Variants in ST14 observed in about 807,000 individuals in gnomAD.
ST14 encodes ST14 transmembrane serine protease matriptase, also known as suppressor of tumorigenicity 14 protein.
Under a neutral mutation model 96.5 loss-of-function variants are expected in ST14, and 40 were observed. The ratio of observed to expected loss-of-function variants is 0.41; its 90% CI spans 0.32 to 0.54. The LOEUF is 0.54. Among genes scored for constraint, ST14 ranks in the 20% least tolerant of loss-of-function variants. The pLI is 0.17. For synonymous variants in ST14, 506 were observed against 492.1 expected (o/e 1.03, Z -0.37); for missense variants, 1,066 against 1,188.9 (o/e 0.90, Z 1.52).
At chr11:130,204,919 TC>T (rs1238812664) in intron 16 of ST14, among the ~76,000 whole-genome samples, 1 of 152,098 alleles carries the variant, frequency 6.6e-6, no homozygotes, top group African/African-American at 2.4e-5. Flanking sequence ...GGTTTAGTGC[TC>T]CGGGGTCGGG....
Position 130,183,638 on chromosome 11 carries a change from T to C in ST14, c.82-4476T>C, listed in dbSNP as rs555285312. On this transcript the variant is annotated intron_variant, in intron 1 of 18. Transcript: ENST00000278742. ...TCATCTAATCCATGAACAGCGTATA[T>C]TGCTCAACTAATTTAGGTCTTTTAG... Among the ~76,000 whole-genome samples the C allele has an allele frequency of 8.5e-5, 13 of 152,312 alleles. No individual in the cohort carries two copies. In the South Asian group the frequency reaches 2.5e-3, roughly 29 times the overall value.
In ST14 at chr11:130,197,857, C is replaced by A; in HGVS notation, c.1371C>A (p.Phe457Leu). The A allele has an allele frequency of 1.3e-6, 2 of 1,584,158 alleles. No individual in the cohort carries two copies. Among genetic ancestry groups the A allele is most frequent in the Non-Finnish European group, 1.7e-6 (2 of 1,168,988 alleles). Residue 457 changes from phenylalanine (F) to leucine (L), a missense_variant, in exon 12 of 19, where the codon TTC becomes TTA. Physicochemically the swap from Phe to Leu is conservative, Grantham distance 22 (BLOSUM62 0). Transcript: ENST00000278742. ...YDSSDPCPGQ[F>L]TCRTGRCIRK... ...TGCCCGCAGCATGCCCGGGGCAGTTCACGTGCCGCACGGGGCGGTGTATCC... is the reference window on the plus strand; with the variant it reads ...TGCCCGCAGCATGCCCGGGGCAGTTAACGTGCCGCACGGGGCGGTGTATCC...
chr11:130,190,794 C>T, intron 7 of ST14, 100 bp downstream of exon 7: 3 of 1,399,364 alleles, frequency 2.1e-6, no homozygotes, highest in Non-Finnish European at 2.8e-6. Flanking sequence ...TGACTCTTGG[C>T]CGCAGGCCAC....
Position 130,196,618 on chromosome 11 carries a change from G to A in ST14, c.1272G>A (p.Lys424=), listed in dbSNP as rs770834044. ...SQFVVTSNSN[K]ITVRFHSDQS... is the part of the protein sequence containing the mutation. ...TCGTCGTCACCAGCAACAGCAACAAGATCACAGTTCGCTTCCACTCAGATC... is the reference window on the plus strand; with the variant it reads ...TCGTCGTCACCAGCAACAGCAACAAAATCACAGTTCGCTTCCACTCAGATC... The change falls in exon 11 of 19, where the codon AAG becomes AAA. Residue 424 remains lysine, a synonymous_variant. Transcript: ENST00000278742. 6.2e-7 allele frequency: 1 copy of A among 1,611,812 alleles called. No homozygotes were observed. The highest frequency in any genetic ancestry group is 1.1e-5 in the South Asian group (1 of 91,020).
rs764906355 is a variant in ST14, at chr11:130,190,612, C to A, written c.793C>A (p.Leu265Ile). The change falls in exon 7 of 19, where the codon CTT becomes ATT. Residue 265 changes from leucine (L) to isoleucine (I), a missense_variant. Coordinates refer to ENST00000278742, the MANE Select transcript of ST14 (RefSeq NM_021978.4). ...GAGCCTCACCTTCCGCAGCTTTGAC[C>A]TTGCGTCCTGCGACGAGCGCGGCAG... The part of the protein sequence containing the change: ...VLSLTFRSFD[L>I]ASCDERGSDL... The A allele has an allele frequency of 6.2e-7, 1 of 1,612,944 alleles. No homozygotes were observed. Among genetic ancestry groups the A allele is most frequent in the South Asian group, 1.1e-5 (1 of 91,030 alleles).
Position 130,208,760 on chromosome 11 carries a change from C to G in ST14, c.2269+76C>G, listed in dbSNP as rs910302505. The G allele has an allele frequency of 6.6e-6, 10 of 1,511,560 alleles. No homozygotes were observed. The African/African-American group carries it at 1.1e-4, about 17-fold the overall frequency. 93.6% of individuals were successfully genotyped at this position (1,511,560 alleles called of 1,614,324 possible). A position where few individuals can be genotyped will look rare whatever the true frequency, so the allele number is the denominator to read the frequency against. On this transcript the variant is annotated intron_variant, in intron 17 of 18. Coordinates refer to ENST00000278742, the MANE Select transcript of ST14 (RefSeq NM_021978.4). ...CAAGGCCGTGTTTCCTCTGCGTGTC[C>G]GGTCTCGGGGCGGGGGGCTGCTCCA...
rs539003392 is a variant in ST14, at chr11:130,178,355, G to T, written c.82-9759G>T. ...CGAATGACAGCAAAATGGTGTCAGT[G>T]AAGAGGGCATCTTGAGGTGCCGAAG... On this transcript the variant is annotated intron_variant, in intron 1 of 18. Transcript: ENST00000278742. Among the ~76,000 whole-genome samples the T allele has an allele frequency of 5.5e-5, 5 of 91,560 alleles. No homozygotes were observed. The African/African-American group carries it at 1.2e-3, about 22-fold the overall frequency. 60.1% of individuals were successfully genotyped at this position (91,560 alleles called of 152,430 possible).
Position 130,159,920 on chromosome 11 carries a change from A to C in ST14, c.-60A>C. On this transcript the variant is annotated 5_prime_UTR_variant, in exon 1 of 19. It removes an upstream start codon present in the reference 5' UTR. Coordinates refer to ENST00000278742, the MANE Select transcript of ST14 (RefSeq NM_021978.4). ...CCCCGCGCCCCGCGCCCTGCGGGCCATGGGAGCCGGCCGCCGGCAGGGACG... is the reference window on the plus strand; with the variant it reads ...CCCCGCGCCCCGCGCCCTGCGGGCCCTGGGAGCCGGCCGCCGGCAGGGACG... 2.8e-6 allele frequency: 3 copies of C among 1,081,158 alleles called. No homozygotes were observed. The highest frequency in any genetic ancestry group is 3.5e-6 in the Non-Finnish European group (3 of 848,932). The allele number at this position is 1,081,158 out of a possible 1,614,324, so 67.0% of individuals were successfully genotyped here. A position where few individuals can be genotyped will look rare whatever the true frequency, so the allele number is the denominator to read the frequency against.
intron 11 of ST14, 127 bp downstream of exon 11, chr11:130,196,827 C>A: frequency 7.0e-7 from 1 of 1,431,510 alleles, no homozygotes; most frequent in Non-Finnish European, 9.7e-7. Flanking sequence ...CATCTCACCC[C>A]TCCCGTAGCT....
In ST14 at chr11:130,190,619, C is replaced by A. The variant is rs762807258; in HGVS notation, c.800C>A (p.Ser267Tyr). Reference sequence around the variant, plus strand: ...ACCTTCCGCAGCTTTGACCTTGCGTCCTGCGACGAGCGCGGCAGCGACCTG... The same window carrying A: ...ACCTTCCGCAGCTTTGACCTTGCGTACTGCGACGAGCGCGGCAGCGACCTG... ...SLTFRSFDLA[S>Y]CDERGSDLVT... is the part of the protein sequence containing the mutation. Residue 267 changes from serine (S) to tyrosine (Y), a missense_variant, in exon 7 of 19, where the codon TCC becomes TAC. Physicochemically the swap from Ser to Tyr is moderately radical, Grantham distance 144. Coordinates refer to ENST00000278742, the MANE Select transcript of ST14 (RefSeq NM_021978.4). 1.9e-6 allele frequency: 3 copies of A among 1,612,798 alleles called. No individual in the cohort carries two copies. Among genetic ancestry groups the A allele is most frequent in the Middle Eastern group, 1.7e-4 (1 of 6,052 alleles).
chr11:130,208,497 C>G lies in ST14; in HGVS notation c.2082C>G (p.Leu694=), dbSNP rs1953511742. 1 of 1,614,248 alleles carries G rather than the reference C, an allele frequency of 6.2e-7. No homozygotes were observed. Among genetic ancestry groups the G allele is most frequent in the Non-Finnish European group, 8.5e-7 (1 of 1,180,044 alleles). The change falls in exon 17 of 19, where the codon CTC becomes CTG. Residue 694 remains leucine (L), a synonymous_variant. Coordinates refer to ENST00000278742, the MANE Select transcript of ST14 (RefSeq NM_021978.4). ...CCCCTGGGGTGCAGGAGCGCAGGCT[C>G]AAGCGCATCATCTCCCACCCCTTCT... is the stretch of plus-strand genomic sequence containing the variant. ...RSAPGVQERR[L]KRIISHPFFN...
rs375852345 is a variant in ST14, at chr11:130,198,964, A to G, written c.1702A>G (p.Thr568Ala). 1.9e-6 allele frequency: 3 copies of G among 1,614,062 alleles called. No individual in the cohort carries two copies. The change falls in exon 15 of 19, where the codon ACC becomes GCC. Residue 568 changes from threonine to alanine, a missense_variant. By Grantham distance (58) the Thr-to-Ala change is moderately conservative. Transcript: ENST00000278742. ...TTGAACAGTGAACGTCGTCACTTGT[A>G]CCAAACACACCTACCGCTGCCTCAA... Reference protein sequence around the residue: ...SCPKVNVVTCTKHTYRCLNGL... With the variant: ...SCPKVNVVTCAKHTYRCLNGL...
chr11:130,197,832 T>G lies in ST14; in HGVS notation c.1355-9T>G. 1 of 1,558,966 alleles carries G rather than the reference T, an allele frequency of 6.4e-7. No homozygotes were observed. The highest frequency in any genetic ancestry group is 8.7e-7 in the Non-Finnish European group (1 of 1,155,472). ...GTGCTGGGGGCCTCAGGCCTGCCTG[T>G]GCCCGCAGCATGCCCGGGGCAGTTC... On this transcript the variant is annotated splice_polypyrimidine_tract_variant and intron_variant, in intron 11 of 18. Coordinates refer to ENST00000278742, the MANE Select transcript of ST14 (RefSeq NM_021978.4).
rs373867876 is a variant in ST14 at position 130,190,482 on chromosome 11, C to T, written c.663C>T (p.Arg221=). The T allele has an allele frequency of 4.2e-5, 68 of 1,607,922 alleles. No homozygotes were observed. Among genetic ancestry groups the T allele is most frequent in the African/African-American group, 9.3e-5 (7 of 75,060 alleles). The change falls in exon 7 of 19, where the codon CGC becomes CGT. Residue 221 remains arginine (R), a synonymous_variant. Transcript: ENST00000278742. ...GCTGCAGCTTTGGCCTGCACGCCCG[C>T]GGTGTGGAGCTGATGCGCTTCACCA... The part of the protein sequence containing the change: ...DNSCSFGLHA[R]GVELMRFTTP...
At chr11:130,163,752 T>C (rs1953017841) in intron 1 of ST14, among the ~76,000 whole-genome samples, 1 of 152,204 alleles carries the variant, frequency 6.6e-6, no homozygotes, top group East Asian at 1.9e-4. Flanking sequence ...GCCTTGGTCC[T>C]GAGAACACCT....
chr11:130,198,970 C>T lies in ST14; in HGVS notation c.1708C>T (p.His570Tyr). 1 of 1,614,134 alleles carries T rather than the reference C, an allele frequency of 6.2e-7. No individual in the cohort carries two copies. Among genetic ancestry groups the T allele is most frequent in the Non-Finnish European group, 8.5e-7 (1 of 1,179,996 alleles). ...AGTGAACGTCGTCACTTGTACCAAA[C>T]ACACCTACCGCTGCCTCAATGGGCT... ...PKVNVVTCTK[H>Y]TYRCLNGLCL... Residue 570 changes from histidine to tyrosine, a missense_variant, in exon 15 of 19, where the codon CAC becomes TAC. His to Tyr is a moderately conservative substitution (Grantham distance 83, BLOSUM62 2). Transcript: ENST00000278742.
chr11:130,183,623 C>A (rs1234094664), intron 1 of ST14, among the ~76,000 whole-genome samples: 1 of 151,934 alleles, frequency 6.6e-6, no homozygotes, highest in Non-Finnish European at 1.5e-5. Context: ...TCATCTAATC[C>A]ATGAACAGCG....
rs1432492352 is a variant in ST14, at chr11:130,194,664, C to T, written c.1040C>T (p.Ala347Val). Residue 347 changes from alanine to valine, a missense_variant, in exon 9 of 19, where the codon GCC (alanine) becomes GTC (valine). Transcript: ENST00000278742. ...GGCTGTGGAGGCCGCTTACGTAAAG[C>T]CCAGGGGACATTCAACAGCCCCTAC... Reference protein sequence around the residue: ...MSSCGGRLRKAQGTFNSPYYP... With the variant: ...MSSCGGRLRKVQGTFNSPYYP... 1 of 1,614,204 alleles carries T rather than the reference C, an allele frequency of 6.2e-7. No homozygotes were observed. The highest frequency in any genetic ancestry group is 2.2e-5 in the East Asian group (1 of 44,888).
intron 16 of ST14, among the ~76,000 whole-genome samples, chr11:130,203,576 G>A (rs531115482): frequency 2.6e-5 from 4 of 152,342 alleles, no homozygotes; most frequent in Non-Finnish European, 4.4e-5. Context: ...CTGCCCGTCC[G>A]TGCAGTCTCA....
Sources: gnomAD v4.1 joint callset for allele counts (sites outside exome capture counted in the v4.1 genomes callset) on GRCh38, gnomAD v4.1.1 for gene constraint, MANE v1.5 for transcripts, NCBI Gene and HGNC (gene_info 2026-07-23, HGNC 2026-07-21) for gene names.